Variants in UBTD1 observed in about 807,000 individuals in gnomAD.
The protein encoded by UBTD1 is ubiquitin domain-containing protein 1.
In UBTD1, 19 loss-of-function variants were observed where a neutral mutation model predicts 21.7. The observed-to-expected ratio is 0.87, with a 90% CI of 0.61 to 1.28. The LOEUF is 1.28. Among genes scored for constraint, UBTD1 ranks in the 50% most tolerant of loss-of-function variants. The pLI, the probability that UBTD1 is intolerant of heterozygous loss-of-function variation, is 0.00. For missense variants in UBTD1, 282 were observed against 315.1 expected (o/e 0.89, Z 0.80); for synonymous variants, 116 against 135.1 (o/e 0.86, Z 0.98).
intron 1 of UBTD1, among the ~76,000 whole-genome samples, chr10:97,518,705 G>C (rs2040454861): frequency 6.6e-6 from 1 of 152,206 alleles, no homozygotes; most frequent in South Asian, 2.1e-4. Flanking sequence ...TGACTGGAGA[G>C]TTTATGTCAC....
At chr10:97,537,335 G>A (rs1374869398) in intron 1 of UBTD1, among the ~76,000 whole-genome samples, 1 of 152,164 alleles carries the variant, frequency 6.6e-6, no homozygotes, top group Non-Finnish European at 1.5e-5. Context: ...GGGTTACCTT[G>A]GGGGTCGGGT....
At chr10:97,560,701 A>G (rs2040688400) in intron 1 of UBTD1, among the ~76,000 whole-genome samples, 1 of 152,150 alleles carries the variant, frequency 6.6e-6, no homozygotes, top group South Asian at 2.1e-4. Context: ...CTGGTGTCAC[A>G]GTAGCACTGT....
At chr10:97,543,783 G>C (rs948453899) in intron 1 of UBTD1, among the ~76,000 whole-genome samples, 2 of 152,116 alleles carry the variant, frequency 1.3e-5, no homozygotes, top group African/African-American at 4.8e-5. Flanking sequence ...CCACAACCAG[G>C]GTGAAAATTA....
chr10:97,533,693 G>A (rs2135671252), intron 1 of UBTD1, among the ~76,000 whole-genome samples: 1 of 152,244 alleles, frequency 6.6e-6, no homozygotes, highest in African/African-American at 2.4e-5. Context: ...GGGGACTGAG[G>A]CGGGCAGATC....
chr10:97,527,836 C>T (rs2040496763), intron 1 of UBTD1, among the ~76,000 whole-genome samples: 1 of 152,158 alleles, frequency 6.6e-6, no homozygotes, highest in Admixed American at 6.5e-5. Context: ...AATGAAAAGT[C>T]TCCCATGTCT....
Position 97,531,745 on chromosome 10 carries a change from C to T in UBTD1, c.70+32472C>T, listed in dbSNP as rs190356721. Among the ~76,000 whole-genome samples the T allele has an allele frequency of 2.3e-3, 346 of 152,216 alleles. 6 individuals are homozygous for T. The highest frequency in any genetic ancestry group is 0.012 in the South Asian group (60 of 4,818). ...TCTGAGCACCAGCATCCTGGTGCTCCGAGAAACTGTCTCGTGCCCTTGGAA... is the reference window on the plus strand; with the variant it reads ...TCTGAGCACCAGCATCCTGGTGCTCTGAGAAACTGTCTCGTGCCCTTGGAA... On this transcript the variant is annotated intron_variant, in intron 1 of 2. Transcript: ENST00000370664.
chr10:97,529,098 G>A (rs114315380), intron 1 of UBTD1, among the ~76,000 whole-genome samples: 2,758 of 151,772 alleles, frequency 0.018, 96 homozygotes, highest in African/African-American at 0.064. Flanking sequence ...GGTCGCGGCC[G>A]GCCGAGGCAC....
At chr10:97,540,330 G>A (rs950343423) in intron 1 of UBTD1, among the ~76,000 whole-genome samples, 5 of 152,158 alleles carry the variant, frequency 3.3e-5, no homozygotes, top group African/African-American at 1.2e-4. Context: ...CCTGAGCATC[G>A]GCTAGACTCC....
chr10:97,542,549 C>T (rs2040591858), intron 1 of UBTD1, among the ~76,000 whole-genome samples: 1 of 152,178 alleles, frequency 6.6e-6, no homozygotes, highest in Non-Finnish European at 1.5e-5. Flanking sequence ...AGAGAGTGTC[C>T]CATGGGCCAC....
At chr10:97,569,954 G>T (rs2040737127) in intron 2 of UBTD1, among the ~76,000 whole-genome samples, 184 bp from the exon 3 acceptor site, 1 of 152,006 alleles carries the variant, frequency 6.6e-6, no homozygotes, top group Non-Finnish European at 1.5e-5. Context: ...CCATCAAGGG[G>T]TCAGAAGGTC....
chr10:97,560,321 A>C (rs943006963), intron 1 of UBTD1, among the ~76,000 whole-genome samples: 1 of 152,154 alleles, frequency 6.6e-6, no homozygotes, highest in South Asian at 2.1e-4. Flanking sequence ...TACATGTTAC[A>C]CTGTTAACTT....
chr10:97,527,850 T>A (rs1375425541), intron 1 of UBTD1, among the ~76,000 whole-genome samples: 1 of 152,192 alleles, frequency 6.6e-6, no homozygotes, highest in East Asian at 1.9e-4. Flanking sequence ...CATGTCTACT[T>A]CTTTCTACAC....
intron 1 of UBTD1, among the ~76,000 whole-genome samples, chr10:97,536,417 A>C (rs1042653004): frequency 2.6e-5 from 4 of 152,192 alleles, no homozygotes; most frequent in Non-Finnish European, 5.9e-5. Flanking sequence ...CCTGACAGCC[A>C]GGGTGAAGGA....
At chr10:97,534,075 C>G (rs2040547371) in intron 1 of UBTD1, among the ~76,000 whole-genome samples, 1 of 152,198 alleles carries the variant, frequency 6.6e-6, no homozygotes, top group Admixed American at 6.5e-5. Flanking sequence ...GCAACCTTTT[C>G]TGGCCAGCTT....
intron 1 of UBTD1, among the ~76,000 whole-genome samples, chr10:97,532,790 CA>C (rs765080292): frequency 1.0e-4 from 11 of 108,198 alleles, no homozygotes; most frequent in South Asian, 9.3e-4. Flanking sequence ...AACTGCATCT[CA>C]AAAAAAAAAA....
At chr10:97,518,404 T>G (rs562367740) in intron 1 of UBTD1, among the ~76,000 whole-genome samples, 67 of 152,340 alleles carry the variant, frequency 4.4e-4, no homozygotes, top group Non-Finnish European at 8.2e-4. Flanking sequence ...CCACTTTTCC[T>G]GTATGAGTCA....
intron 1 of UBTD1, among the ~76,000 whole-genome samples, chr10:97,503,267 GTTC>G (rs1047718392): frequency 6.6e-6 from 1 of 152,206 alleles, no homozygotes; most frequent in African/African-American, 2.4e-5. Flanking sequence ...GTAGGTCTGT[GTTC>G]TTCTCCTTCA....
chr10:97,522,633 G>C (rs564194476), intron 1 of UBTD1, among the ~76,000 whole-genome samples: 1 of 152,332 alleles, frequency 6.6e-6, no homozygotes, highest in East Asian at 1.9e-4. Flanking sequence ...GACACATTCT[G>C]CCTCCTTTCT....
chr10:97,567,550 T>A (rs1409073138), intron 1 of UBTD1, among the ~76,000 whole-genome samples: 1 of 151,246 alleles, frequency 6.6e-6, no homozygotes, highest in African/African-American at 2.4e-5. Context: ...TCCCAGCTAC[T>A]CGGGAGGCTG....
Sources: allele counts gnomAD v4.1 joint callset (sites outside exome capture counted in the v4.1 genomes callset), GRCh38; gene constraint gnomAD v4.1.1; transcripts MANE v1.5; gene names NCBI Gene and HGNC (gene_info 2026-07-23, HGNC 2026-07-21).